RAMP1: variants seen among roughly 807,000 people sequenced by gnomAD.
RAMP1 encodes receptor activity modifying protein 1.
A neutral mutation model predicts 8.2 loss-of-function variants in RAMP1; 7 were observed. That is an observed-to-expected ratio of 0.85 (90% CI 0.49 to 1.60). The LOEUF is 1.60. Ranked by LOEUF, RAMP1 falls within the 40% of genes most tolerant of loss-of-function variation. The pLI is 0.00. For synonymous variants in RAMP1, 92 were observed against 84.7 expected (o/e 1.09, Z -0.47); for missense variants, 192 against 202.4 (o/e 0.95, Z 0.31).
chr2:237,885,893 G>A (rs555226719), intron 2 of RAMP1, among the ~76,000 whole-genome samples: 2 of 152,332 alleles, frequency 1.3e-5, no homozygotes, highest in Admixed American at 1.3e-4. Flanking sequence ...GACCTCCTGG[G>A]GCCTTCAGCA....
chr2:237,863,432 C>G (rs532194446), intron 1 of RAMP1, among the ~76,000 whole-genome samples: 1 of 152,340 alleles, frequency 6.6e-6, no homozygotes, highest in South Asian at 2.1e-4. Flanking sequence ...TGCTCCAGAA[C>G]AGGAGGACTC....
chr2:237,911,054 TCACA>T (rs1049745031), intron 2 of RAMP1, among the ~76,000 whole-genome samples: 4 of 149,868 alleles, frequency 2.7e-5, no homozygotes, highest in South Asian at 2.1e-4. Flanking sequence ...TGAATAACAG[TCACA>T]CACAGTCGCA....
rs150961418 is a variant in RAMP1, at chr2:237,901,245, T to A, written c.192-10283T>A. ...CTTCAGGCTTTGTTTCACTTTGCCTTGGAGGTGGCCACTGTGACCAGAGTA... is the reference window on the plus strand; with the variant it reads ...CTTCAGGCTTTGTTTCACTTTGCCTAGGAGGTGGCCACTGTGACCAGAGTA... On this transcript the variant is annotated intron_variant, in intron 2 of 2. Transcript: ENST00000254661. Among the ~76,000 whole-genome samples, 216 of 152,368 alleles carry A rather than the reference T, an allele frequency of 1.4e-3. 1 individual carries two copies. Among genetic ancestry groups the A allele is most frequent in the African/African-American group, 5.1e-3 (214 of 41,594 alleles).
intron 1 of RAMP1, among the ~76,000 whole-genome samples, chr2:237,876,055 G>A (rs1162826053): frequency 1.3e-5 from 2 of 152,130 alleles, no homozygotes; most frequent in South Asian, 2.1e-4. Flanking sequence ...ATTGCTGATC[G>A]CAGTCAGATC....
chr2:237,867,888 A>G lies in RAMP1; in HGVS notation c.52+8161A>G, dbSNP rs2062205914. 2.6e-5 allele frequency among the ~76,000 whole-genome samples: 4 copies of G among 152,254 alleles called. No individual in the cohort carries two copies. The East Asian group carries it at 5.8e-4, about 22-fold the overall frequency. Reference sequence around the variant, plus strand: ...CCTTATTCTTTCCCTGTGTGCTAGGATAGTCAGGATGATGGAAATAAGCAG... The same window carrying G: ...CCTTATTCTTTCCCTGTGTGCTAGGGTAGTCAGGATGATGGAAATAAGCAG... On this transcript the variant is annotated intron_variant, in intron 1 of 2. Coordinates refer to ENST00000254661, the MANE Select transcript of RAMP1 (RefSeq NM_005855.4).
At position 237,886,244 on chromosome 2, in the gene RAMP1, T is replaced by C. The variant is rs547178140; in HGVS notation, c.191+8882T>C. ...GGGGTGTCGTTCCACCTTCCTGTAG[T>C]CTCCTTGGCGCGCGTGACCGTGGTT... On this transcript the variant is annotated intron_variant, in intron 2 of 2. Coordinates refer to ENST00000254661, the MANE Select transcript of RAMP1 (RefSeq NM_005855.4). Among the ~76,000 whole-genome samples the C allele has an allele frequency of 7.9e-5, 12 of 152,264 alleles. No homozygotes were observed. The South Asian group carries it at 1.9e-3, about 24-fold the overall frequency.
chr2:237,897,120 T>A (rs2062550039), intron 2 of RAMP1, among the ~76,000 whole-genome samples: 1 of 152,158 alleles, frequency 6.6e-6, no homozygotes, highest in Admixed American at 6.5e-5. Flanking sequence ...GAGGTGTGCA[T>A]CCGTCCAGGT....
intron 2 of RAMP1, among the ~76,000 whole-genome samples, chr2:237,904,863 G>T (rs896241735): frequency 1.3e-5 from 2 of 152,166 alleles, no homozygotes; most frequent in African/African-American, 4.8e-5. Context: ...TTTGAACCCA[G>T]GTCTATGGGT....
chr2:237,881,241 GCCT>G (rs1394331410), intron 2 of RAMP1, among the ~76,000 whole-genome samples: 1 of 152,188 alleles, frequency 6.6e-6, no homozygotes, highest in Non-Finnish European at 1.5e-5. Flanking sequence ...TGCAGAGGGA[GCCT>G]CCTCCTTCAT....
chr2:237,899,251 A>G (rs891004935), intron 2 of RAMP1, among the ~76,000 whole-genome samples: 11 of 152,068 alleles, frequency 7.2e-5, no homozygotes, highest in African/African-American at 2.7e-4. Context: ...TTTGTATTTT[A>G]GTAGAGATGG....
chr2:237,872,031 G>A (rs76921982), intron 1 of RAMP1, among the ~76,000 whole-genome samples: 1,659 of 152,330 alleles, frequency 0.011, 32 homozygotes, highest in African/African-American at 0.037. Context: ...TTTGAAAGGA[G>A]GGATGCTGAG....
intron 2 of RAMP1, among the ~76,000 whole-genome samples, chr2:237,910,361 TCA>T (rs2062697922): frequency 7.4e-6 from 1 of 134,476 alleles, no homozygotes; most frequent in African/African-American, 2.8e-5. Flanking sequence ...ACACACACAA[TCA>T]CACACAGAGA....
intron 2 of RAMP1, among the ~76,000 whole-genome samples, chr2:237,894,702 T>C (rs2062520913): frequency 6.6e-6 from 1 of 152,180 alleles, no homozygotes; most frequent in South Asian, 2.1e-4. Flanking sequence ...CCTGGTGCAC[T>C]GTGGCAGTTC....
intron 2 of RAMP1, among the ~76,000 whole-genome samples, chr2:237,906,264 G>A (rs1274837224): frequency 6.6e-6 from 1 of 152,000 alleles, no homozygotes; most frequent in Non-Finnish European, 1.5e-5. Flanking sequence ...ATGCCTACAG[G>A]CACGGCACAC....
At chr2:237,900,450 C>T (rs557908231) in intron 2 of RAMP1, among the ~76,000 whole-genome samples, 8 of 91,532 alleles carry the variant, frequency 8.7e-5, no homozygotes, top group South Asian at 3.5e-4. Context: ...CGTGAGCCAC[C>T]GCACCTGGCC....
chr2:237,877,120 C>T lies in RAMP1; in HGVS notation c.53-104C>T, dbSNP rs924360361. 1.4e-5 allele frequency: 21 copies of T among 1,458,720 alleles called. No homozygotes were observed. In the African/African-American group the frequency reaches 2.6e-4, roughly 18 times the overall value. The allele number at this position is 1,458,720 out of a possible 1,614,324, so 90.4% of individuals were successfully genotyped here. A position where few individuals can be genotyped will look rare whatever the true frequency, so the allele number is the denominator to read the frequency against. On this transcript the variant is annotated intron_variant, in intron 1 of 2. Transcript: ENST00000254661. The surrounding 1 kb of genome is among the most constrained non-coding windows in gnomAD (Gnocchi z 4.4). The stretch of plus-strand genomic sequence containing the variant: ...GCCCTCTCCAGGGGTTGCTTAGAGG[C>T]CCCGTTCTCGTGGAGTCCGGGCTGC...
rs1576540169 is a variant in RAMP1, at chr2:237,877,215, C to G, written c.53-9C>G. ...GCCCGCCATCTCTTCATGGCCGTGT[C>G]TATTTCAGCCCATCACCTCTTCATG... On this transcript the variant is annotated splice_polypyrimidine_tract_variant and intron_variant, in intron 1 of 2. Transcript: ENST00000254661. The surrounding 1 kb of genome is among the most constrained non-coding windows in gnomAD (Gnocchi z 4.4). The G allele has an allele frequency of 3.1e-6, 5 of 1,613,770 alleles. No homozygotes were observed. In the East Asian group the frequency reaches 1.1e-4, roughly 36 times the overall value.
chr2:237,871,826 A>G (rs1046466370), intron 1 of RAMP1, among the ~76,000 whole-genome samples: 22 of 152,190 alleles, frequency 1.4e-4, no homozygotes, highest in Non-Finnish European at 2.6e-4. Context: ...GCGCCAGTGC[A>G]CTCCAACCTA....
chr2:237,889,326 CTG>C (rs1347902363), intron 2 of RAMP1, among the ~76,000 whole-genome samples: 1 of 152,176 alleles, frequency 6.6e-6, no homozygotes, highest in African/African-American at 2.4e-5. Flanking sequence ...TGTAGTTGTT[CTG>C]TGTTTTGAAA....
Sources: allele counts gnomAD v4.1 joint callset (sites outside exome capture counted in the v4.1 genomes callset), GRCh38; gene constraint gnomAD v4.1.1; non-coding constraint Gnocchi (gnomAD v3.1); transcripts MANE v1.5; gene names NCBI Gene and HGNC (gene_info 2026-07-23, HGNC 2026-07-21).